Variants in ZNF280D observed in about 807,000 individuals in gnomAD.
ZNF280D encodes zinc finger protein 280D, also known as suppressor of hairy wing homolog 4.
ZNF280D carries 39 observed loss-of-function variants against 94.7 expected under a neutral mutation model. That is an observed-to-expected ratio of 0.41 (90% CI 0.32 to 0.54). The LOEUF is 0.54. Ranked by LOEUF, ZNF280D falls within the 20% of genes least tolerant of loss-of-function variation. ZNF280D has a pLI of 0.22. For missense variants in ZNF280D, 1,090 were observed against 1,149.3 expected (o/e 0.95, Z 0.75); for synonymous variants, 398 against 377.6 (o/e 1.05, Z -0.63).
In ZNF280D at chr15:56,666,915, A is replaced by C. The variant is rs1305317597; in HGVS notation, c.1617T>G (p.Ala539=). The change falls in exon 15 of 22, where the codon GCT becomes GCG. Residue 539 remains alanine, a synonymous_variant. Transcript: ENST00000267807. ...ASPTPSISAS[A]STLQLSPPRT... ...TTGGAGGTGAGAGCTGAAGGGTAGAAGCACTTGCACTAATGGAAGGTGTAG... is the reference window on the plus strand; with the variant it reads ...TTGGAGGTGAGAGCTGAAGGGTAGACGCACTTGCACTAATGGAAGGTGTAG... 2 of 1,613,630 alleles carry C rather than the reference A, an allele frequency of 1.2e-6. No individual in the cohort carries two copies. Among genetic ancestry groups the C allele is most frequent in the Non-Finnish European group, 1.7e-6 (2 of 1,179,780 alleles).
intron 1 of ZNF280D, among the ~76,000 whole-genome samples, chr15:56,721,726 C>T (rs565499098): frequency 1.3e-5 from 2 of 152,318 alleles, no homozygotes; most frequent in East Asian, 3.9e-4. Context: ...GAGCCTTTGG[C>T]TTAAGGGAAT....
At position 56,635,264 on chromosome 15, in the gene ZNF280D, T is replaced by A; in HGVS notation, c.2260-14A>T. ...TCTTGCAATTTCCTGAAATAATTAA[T>A]AATACTTTTCTTTTACATTCACAGT... is the stretch of plus-strand genomic sequence containing the variant. On this transcript the variant is annotated splice_polypyrimidine_tract_variant and intron_variant, in intron 20 of 21. Coordinates refer to ENST00000267807, the MANE Select transcript of ZNF280D (RefSeq NM_017661.4). The A allele has an allele frequency of 6.8e-7, 1 of 1,460,724 alleles. No homozygotes were observed. The allele number at this position is 1,460,724 out of a possible 1,614,324, so 90.5% of individuals were successfully genotyped here.
intron 16 of ZNF280D, among the ~76,000 whole-genome samples, chr15:56,660,310 A>AT (rs1259019854): frequency 5.3e-5 from 8 of 152,166 alleles, no homozygotes; most frequent in Admixed American, 5.2e-4. Flanking sequence ...TTATTTATCT[A>AT]TTAAATATAA....
intron 16 of ZNF280D, among the ~76,000 whole-genome samples, chr15:56,664,771 T>A (rs2054177365): frequency 6.6e-6 from 1 of 152,186 alleles, no homozygotes; most frequent in Non-Finnish European, 1.5e-5. Context: ...TTTGATAGTC[T>A]AGAAGTGAGC....
chr15:56,653,739 A>G (rs899603636), intron 19 of ZNF280D: 3 of 1,306,774 alleles, frequency 2.3e-6, no homozygotes, highest in Non-Finnish European at 2.9e-6. Flanking sequence ...TTTGGAATCT[A>G]TTATTCTGAA....
At chr15:56,649,799 G>T (rs1179818685) in intron 19 of ZNF280D, among the ~76,000 whole-genome samples, 1 of 151,968 alleles carries the variant, frequency 6.6e-6, no homozygotes, top group Non-Finnish European at 1.5e-5. Context: ...TTCAATGACA[G>T]TAAGTATCTC....
intron 1 of ZNF280D, among the ~76,000 whole-genome samples, chr15:56,717,009 T>C (rs1035060553): frequency 1.5e-4 from 23 of 152,126 alleles, no homozygotes; most frequent in African/African-American, 2.7e-4. Flanking sequence ...ATCTTCAATA[T>C]TGAAACCCAG....
At chr15:56,671,308 G>A (rs763912280) in intron 13 of ZNF280D, among the ~76,000 whole-genome samples, 1 of 152,042 alleles carries the variant, frequency 6.6e-6, no homozygotes, top group Non-Finnish European at 1.5e-5. Flanking sequence ...ATAGTTTTAG[G>A]TTTTACATTT....
In ZNF280D at chr15:56,671,221, G is replaced by A. The variant is rs1351329226; in HGVS notation, c.1411-2264C>T. Among the ~76,000 whole-genome samples, 3 of 151,996 alleles carry A rather than the reference G, an allele frequency of 2.0e-5. No homozygotes were observed. In the East Asian group the frequency reaches 5.8e-4, roughly 29 times the overall value. On this transcript the variant is annotated intron_variant, in intron 13 of 21. Transcript: ENST00000267807. Reference sequence around the variant, plus strand: ...TGCTTTTGTTGCAATTGCTTTTGGTGTCTTCATCATGAAATCTTTGCCTTT... The same window carrying A: ...TGCTTTTGTTGCAATTGCTTTTGGTATCTTCATCATGAAATCTTTGCCTTT...
chr15:56,709,005 A>C (rs1183235752), intron 1 of ZNF280D, among the ~76,000 whole-genome samples: 1 of 152,170 alleles, frequency 6.6e-6, no homozygotes, highest in African/African-American at 2.4e-5. Flanking sequence ...AAAATTGACA[A>C]ATGGGATCTA....
At position 56,654,199 on chromosome 15, in the gene ZNF280D, C is replaced by A. The variant is rs2053384910; in HGVS notation, c.2212G>T (p.Glu738Ter). The A allele has an allele frequency of 6.2e-7, 1 of 1,607,872 alleles. No homozygotes were observed. The highest frequency in any genetic ancestry group is 2.2e-5 in the East Asian group (1 of 44,716). Residue 738 changes from glutamate (E) to a stop codon, truncating the protein, a stop_gained and splice_region_variant, in exon 19 of 22, where the codon GAA (glutamate) becomes TAA (stop). Coordinates refer to ENST00000267807, the MANE Select transcript of ZNF280D (RefSeq NM_017661.4). LOFTEE classifies it high-confidence loss of function. ...VCIPTSEHLS[E>*]LKKEAPAKEQ... Reference sequence around the variant, plus strand: ...GCACTGAATAAAAATTAAACTTACTCAGAAAGGTGCTCAGAAGTTGGGATA... The same window carrying A: ...GCACTGAATAAAAATTAAACTTACTAAGAAAGGTGCTCAGAAGTTGGGATA...
intron 4 of ZNF280D, among the ~76,000 whole-genome samples, chr15:56,703,272 G>C (rs999897280): frequency 1.3e-5 from 2 of 152,178 alleles, no homozygotes; most frequent in African/African-American, 4.8e-5. Flanking sequence ...AGTGGCTGTA[G>C]ACAGCGCCAT....
chr15:56,706,427 G>A (rs748962031), intron 3 of ZNF280D, among the ~76,000 whole-genome samples: 6 of 151,766 alleles, frequency 4.0e-5, no homozygotes, highest in East Asian at 3.9e-4. Context: ...GCAATGAGCC[G>A]AGGTCATGCC....
rs959460678 is a variant in ZNF280D, at chr15:56,699,345, A to G, written c.381+1588T>C. Reference sequence around the variant, plus strand: ...AAATATAGCTCACACCTCTCACTCAATCAAAATCACTAAATTCTTTAATAA... The same window carrying G: ...AAATATAGCTCACACCTCTCACTCAGTCAAAATCACTAAATTCTTTAATAA... On this transcript the variant is annotated intron_variant, in intron 6 of 21. Coordinates refer to ENST00000267807, the MANE Select transcript of ZNF280D (RefSeq NM_017661.4). 1.4e-5 allele frequency: 13 copies of G among 937,166 alleles called. No homozygotes were observed. In the African/African-American group the frequency reaches 2.1e-4, roughly 15 times the overall value. The allele number at this position is 937,166 out of a possible 1,614,324, so 58.1% of individuals were successfully genotyped here.
intron 1 of ZNF280D, among the ~76,000 whole-genome samples, chr15:56,710,661 T>TA (rs141962435): frequency 3.3e-5 from 5 of 151,938 alleles, no homozygotes; most frequent in African/African-American, 1.2e-4. Flanking sequence ...ATTTTTTCTA[T>TA]AAAAAAAATT....
intron 1 of ZNF280D, chr15:56,724,992 T>C (rs940060252): frequency 5.3e-6 from 2 of 377,346 alleles, no homozygotes; most frequent in South Asian, 2.0e-5. Context: ...ATCTTAAACC[T>C]TGAATAGGAA....
Position 56,692,513 on chromosome 15 carries a change from A to C in ZNF280D, c.499+585T>G, listed in dbSNP as rs542851544. On this transcript the variant is annotated intron_variant, in intron 7 of 21. Transcript: ENST00000267807. ...CTAATTTATTTTAGATTAATGAAGA[A>C]CTTTGTTACAGTATACAATCAAAGA... Among the ~76,000 whole-genome samples, 8 of 152,230 alleles carry C rather than the reference A, an allele frequency of 5.3e-5. No homozygotes were observed. The East Asian group carries it at 9.6e-4, about 18-fold the overall frequency.
intron 7 of ZNF280D, among the ~76,000 whole-genome samples, chr15:56,690,519 G>A (rs1259843700): frequency 1.3e-5 from 2 of 152,132 alleles, no homozygotes; most frequent in African/African-American, 4.8e-5. Flanking sequence ...AGAATATATT[G>A]AGCATGTTTA....
chr15:56,631,642 T>C lies in ZNF280D; in HGVS notation c.2796A>G (p.Thr932=). Residue 932 remains threonine, a synonymous_variant, in exon 22 of 22, where the codon ACA becomes ACG. Transcript: ENST00000267807. The part of the protein sequence containing the change: ...TPSEVLEYEA[T]EILQKGSGDP... ...CACCACTACCTTTCTGAAGAATCTC[T>C]GTGGCTTCATACTCAAGTACCTCGG... 1 of 1,614,186 alleles carries C rather than the reference T, an allele frequency of 6.2e-7. No homozygotes were observed. The highest frequency in any genetic ancestry group is 8.5e-7 in the Non-Finnish European group (1 of 1,180,022).
Sources: gnomAD v4.1 joint callset for allele counts (sites outside exome capture counted in the v4.1 genomes callset) on GRCh38, gnomAD v4.1.1 for gene constraint, MANE v1.5 for transcripts, NCBI Gene and HGNC (gene_info 2026-07-23, HGNC 2026-07-21) for gene names.